The following SLC15A1 variants were observed in gnomAD, a reference collection of about 807,000 sequenced individuals.
SLC15A1 encodes the protein solute carrier family 15 member 1, also known as Caco-2 oligopeptide transporter.
A neutral mutation model predicts 92.9 loss-of-function variants in SLC15A1; 83 were observed. The observed-to-expected ratio is 0.89, with a 90% CI of 0.75 to 1.07. The LOEUF is 1.07. SLC15A1 is among the 50% of genes least tolerant of loss of function. The pLI, the probability that SLC15A1 is intolerant of heterozygous loss-of-function variation, is 0.00. For synonymous variants in SLC15A1, 322 were observed against 318.2 expected (o/e 1.01, Z -0.13); for missense variants, 857 against 880.1 (o/e 0.97, Z 0.33).
intron 8 of SLC15A1, among the ~76,000 whole-genome samples, chr13:98,718,602 A>T (rs540986771): frequency 6.6e-6 from 1 of 152,198 alleles, no homozygotes; most frequent in Admixed American, 6.5e-5. Flanking sequence ...GGATCACCTG[A>T]GGTCAGGTGC....
At chr13:98,742,183 G>T (rs777975732) in intron 1 of SLC15A1, among the ~76,000 whole-genome samples, 1 of 152,216 alleles carries the variant, frequency 6.6e-6, no homozygotes, top group African/African-American at 2.4e-5. Context: ...GTGAGGCGGT[G>T]GGGGAGCTTT....
chr13:98,689,710 A>C (rs1289390), intron 18 of SLC15A1, among the ~76,000 whole-genome samples: 80,023 of 152,048 alleles, frequency 0.53, 22,558 homozygotes, highest in Non-Finnish European at 0.63. Context: ...ACAGCCTCCC[A>C]AAGCACTGGG....
intron 5 of SLC15A1, among the ~76,000 whole-genome samples, chr13:98,723,639 A>G (rs1420745700): frequency 6.6e-6 from 1 of 152,210 alleles, no homozygotes; most frequent in Non-Finnish European, 1.5e-5. Context: ...CAAGACCAAC[A>G]TGAATCCCCT....
intron 9 of SLC15A1, among the ~76,000 whole-genome samples, chr13:98,713,207 C>A (rs1388504963): frequency 6.6e-6 from 1 of 152,122 alleles, no homozygotes; most frequent in African/African-American, 2.4e-5. Context: ...CGGGTATGTA[C>A]CACCATGCCT....
At chr13:98,703,178 A>G (rs147908790) in intron 17 of SLC15A1, among the ~76,000 whole-genome samples, 3 of 129,704 alleles carry the variant, frequency 2.3e-5, no homozygotes, top group South Asian at 3.4e-4. Context: ...GGAAGGAAGG[A>G]AGGGAGGGAG....
Position 98,742,437 on chromosome 13 carries a change from C to T in SLC15A1, c.4+10158G>A, listed in dbSNP as rs553826326. Among the ~76,000 whole-genome samples, 3 of 152,274 alleles carry T rather than the reference C, an allele frequency of 2.0e-5. No individual in the cohort carries two copies. The South Asian group carries it at 6.2e-4, about 32-fold the overall frequency. Reference sequence around the variant, plus strand: ...TCCTTTAAGACAGTTCCTCCCTCAGCTTGGGTGTCCATGGCTCCAGCCTGG... The same window carrying T: ...TCCTTTAAGACAGTTCCTCCCTCAGTTTGGGTGTCCATGGCTCCAGCCTGG... On this transcript the variant is annotated intron_variant, in intron 1 of 22. Coordinates refer to ENST00000376503, the MANE Select transcript of SLC15A1 (RefSeq NM_005073.4).
At chr13:98,742,136 A>G (rs2088453232) in intron 1 of SLC15A1, among the ~76,000 whole-genome samples, 2 of 152,202 alleles carry the variant, frequency 1.3e-5, no homozygotes, top group Admixed American at 6.5e-5. Context: ...GAAGGCCGTG[A>G]GGGGCTCCAC....
chr13:98,735,024 C>T (rs1371725712), intron 1 of SLC15A1, among the ~76,000 whole-genome samples: 7 of 152,164 alleles, frequency 4.6e-5, no homozygotes, highest in African/African-American at 1.7e-4. Flanking sequence ...GGCAGAGACA[C>T]AACAAATAAA....
intron 1 of SLC15A1, among the ~76,000 whole-genome samples, chr13:98,741,744 A>G (rs1283861929): frequency 6.9e-6 from 1 of 145,446 alleles, no homozygotes; most frequent in Non-Finnish European, 1.5e-5. Context: ...AAAAAAAAAA[A>G]GGCCTCCTTT....
At position 98,735,919 on chromosome 13, in the gene SLC15A1, A is replaced by T. The variant is rs554762864; in HGVS notation, c.5-9060T>A. ...ATCATGAAAATGGACATACTGCCCA[A>T]GGTAATTTATAGATTCAATGCCATC... On this transcript the variant is annotated intron_variant, in intron 1 of 22. Transcript: ENST00000376503. Among the ~76,000 whole-genome samples, 63 of 152,336 alleles carry T rather than the reference A, an allele frequency of 4.1e-4. 1 individual carries two copies. In the South Asian group the frequency reaches 0.012, roughly 29 times the overall value.
chr13:98,748,958 G>C (rs2088518768), intron 1 of SLC15A1, among the ~76,000 whole-genome samples: 2 of 152,198 alleles, frequency 1.3e-5, no homozygotes, highest in African/African-American at 4.8e-5. Flanking sequence ...AGATAAGCCT[G>C]ATGCATGTTC....
intron 14 of SLC15A1, 51 bp downstream of exon 14, chr13:98,709,521 A>C (rs994381112): frequency 6.6e-7 from 1 of 1,508,798 alleles, no homozygotes; most frequent in Admixed American, 1.7e-5. Flanking sequence ...CCCATCTGCA[A>C]AGCCCTGGGA....
chr13:98,738,941 G>T (rs1287520327), intron 1 of SLC15A1, among the ~76,000 whole-genome samples: 1 of 152,256 alleles, frequency 6.6e-6, no homozygotes, highest in Admixed American at 6.5e-5. Context: ...AACCTCTGGA[G>T]CTGAACACTG....
chr13:98,726,654 G>A, intron 2 of SLC15A1, 189 bp downstream of exon 2: 3 of 740,714 alleles, frequency 4.1e-6, no homozygotes, highest in Middle Eastern at 5.9e-4. Context: ...AGCATCCAGT[G>A]GTATTGTTAG....
intron 18 of SLC15A1, among the ~76,000 whole-genome samples, chr13:98,700,468 G>A (rs1174450968): frequency 8.5e-5 from 8 of 94,532 alleles, no homozygotes; most frequent in South Asian, 8.1e-4. Flanking sequence ...CTGGGCAATA[G>A]AGCAAGACCC....
intron 1 of SLC15A1, among the ~76,000 whole-genome samples, chr13:98,743,249 G>C (rs2088464001): frequency 6.6e-6 from 1 of 152,126 alleles, no homozygotes; most frequent in African/African-American, 2.4e-5. Flanking sequence ...TAAATAATTT[G>C]CCCACAATAG....
intron 1 of SLC15A1, among the ~76,000 whole-genome samples, chr13:98,748,259 T>C (rs1485288751): frequency 2.6e-5 from 4 of 152,164 alleles, no homozygotes; most frequent in Non-Finnish European, 5.9e-5. Flanking sequence ...CATTTCTCAC[T>C]CCTATTCATT....
chr13:98,745,736 G>A (rs1321615562), intron 1 of SLC15A1, among the ~76,000 whole-genome samples: 1 of 152,214 alleles, frequency 6.6e-6, no homozygotes, highest in Non-Finnish European at 1.5e-5. Flanking sequence ...CTCCAGGACT[G>A]TGAGAGAAGA....
At chr13:98,686,371 G>A in intron 21 of SLC15A1, 74 bp from the exon 22 acceptor site, 1 of 1,017,056 alleles carries the variant, frequency 9.8e-7, no homozygotes, top group Non-Finnish European at 1.5e-6. Context: ...TCACCGATGG[G>A]CGTTTCGTGA....
Sources: gnomAD v4.1 joint callset for allele counts (sites outside exome capture counted in the v4.1 genomes callset) on GRCh38, gnomAD v4.1.1 for gene constraint, MANE v1.5 for transcripts, NCBI Gene and HGNC (gene_info 2026-07-23, HGNC 2026-07-21) for gene names.